The following ZNF595 variants were observed in gnomAD, a reference collection of about 807,000 sequenced individuals.
ZNF595 encodes the protein zinc finger protein 595.
In ZNF595, 9 loss-of-function variants were observed where a neutral mutation model predicts 19.4. That is an observed-to-expected ratio of 0.46 (90% CI 0.28 to 0.81). The LOEUF (loss-of-function observed/expected upper bound fraction) is 0.81. Ranked by LOEUF, ZNF595 falls within the 30% of genes least tolerant of loss-of-function variation. The probability of loss-of-function intolerance (pLI) is 0.11; values close to 1 mark genes in which losing one functional copy is unlikely to be tolerated. For missense variants in ZNF595, 729 were observed against 736.0 expected, an observed-to-expected ratio of 0.99 and a Z score of 0.11; for synonymous variants, 255 against 255.9, an observed-to-expected ratio of 1.00 and a Z score of 0.03.
intron 3 of ZNF595, among the ~76,000 whole-genome samples, chr4:72,524 TCTGTTATC>T (rs1314115409): frequency 1.9e-4 from 29 of 152,226 alleles, no homozygotes; most frequent in Non-Finnish European, 7.3e-5. Flanking sequence ...ATAAGTCTAC[TCTGTTATC>T]CTGTTATCTG....
chr4:86,027 T>C lies in ZNF595; in HGVS notation c.523T>C (p.Cys175Arg). The C allele has an allele frequency of 6.2e-7, 1 of 1,609,886 alleles. No individual in the cohort carries two copies. Among genetic ancestry groups the C allele is most frequent in the Non-Finnish European group, 8.5e-7 (1 of 1,177,538 alleles). Reference protein sequence around the residue: ...IRHTGEKPFKCTECGRSFYMS... With the variant: ...IRHTGEKPFKRTECGRSFYMS... ...ACATACTGGAGAGAAACCCTTTAAATGTACAGAATGTGGCAGATCGTTTTA... is the reference window on the plus strand; with the variant it reads ...ACATACTGGAGAGAAACCCTTTAAACGTACAGAATGTGGCAGATCGTTTTA... Residue 175 changes from cysteine (C) to arginine (R), a missense_variant, in exon 4 of 4, where the codon TGT becomes CGT. Physicochemically the swap from Cys to Arg is radical, Grantham distance 180 (BLOSUM62 -3). This residue lies in a region of ZNF595 where 729 missense variants were observed against 675.3 expected (regional missense o/e 1.08). Transcript: ENST00000610261.
In ZNF595 at chr4:86,301, C is replaced by G. The variant is rs201371259; in HGVS notation, c.797C>G (p.Thr266Arg). The G allele has an allele frequency of 3.7e-6, 6 of 1,602,900 alleles. No individual in the cohort carries two copies. Among genetic ancestry groups the G allele is most frequent in the Non-Finnish European group, 4.3e-6 (5 of 1,174,782 alleles). Reference sequence around the variant, plus strand: ...TGTGAAGAATGTGGCAAAGCCTTTACAAGGTCCACAACACTGAATGAACAC... The same window carrying G: ...TGTGAAGAATGTGGCAAAGCCTTTAGAAGGTCCACAACACTGAATGAACAC... ...YKCEECGKAF[T>R]RSTTLNEHKK... Residue 266 changes from threonine to arginine, a missense_variant, in exon 4 of 4, where the codon ACA becomes AGA. Transcript: ENST00000610261.
chr4:77,344 T>C (rs1553798898), intron 3 of ZNF595, among the ~76,000 whole-genome samples: 2 of 152,218 alleles, frequency 1.3e-5, no homozygotes, highest in Non-Finnish European at 2.9e-5. Context: ...TTAGTATTTT[T>C]TTCATCTCAT....
intron 3 of ZNF595, among the ~76,000 whole-genome samples, chr4:77,781 C>T (rs1553799016): frequency 6.6e-6 from 1 of 152,044 alleles, no homozygotes; most frequent in East Asian, 1.9e-4. Context: ...AAAAAAAAAT[C>T]CAATTATATA....
chr4:79,675 G>GTTTTTT (rs202205324), intron 3 of ZNF595, among the ~76,000 whole-genome samples: 16 of 127,504 alleles, frequency 1.3e-4, no homozygotes, highest in East Asian at 2.3e-4. Flanking sequence ...CAGCTTTGTT[G>GTTTTTT]TTTTTTTTTT....
intron 3 of ZNF595, among the ~76,000 whole-genome samples, chr4:61,005 G>A (rs1581363997): frequency 6.6e-6 from 1 of 151,968 alleles, no homozygotes; most frequent in Admixed American, 6.6e-5. Context: ...AAACAGTAAT[G>A]ATAGCCGATG....
chr4:61,036 G>A (rs1249125134), intron 3 of ZNF595, among the ~76,000 whole-genome samples: 13 of 152,066 alleles, frequency 8.5e-5, no homozygotes, highest in Non-Finnish European at 1.8e-4. Context: ...CAAGAAATAG[G>A]TTTGTGAATA....
At chr4:77,985 A>G (rs1169290759) in intron 3 of ZNF595, among the ~76,000 whole-genome samples, 3 of 151,888 alleles carry the variant, frequency 2.0e-5, no homozygotes, top group Non-Finnish European at 2.9e-5. Flanking sequence ...AGCTGAGACC[A>G]AAGTCTTCAG....
At chr4:75,815 T>TG (rs1713635434) in intron 3 of ZNF595, among the ~76,000 whole-genome samples, 2 of 148,506 alleles carry the variant, frequency 1.3e-5, no homozygotes, top group African/African-American at 4.9e-5. Context: ...TTTTGGTTGT[T>TG]TTTTTTTTTT....
intron 3 of ZNF595, among the ~76,000 whole-genome samples, chr4:84,492 ACAAGCTTTCTTT>A (rs1714052819): frequency 6.6e-6 from 1 of 152,154 alleles, no homozygotes; most frequent in Non-Finnish European, 1.5e-5. Flanking sequence ...ATTCCTGCTT[ACAAGCTTTCTTT>A]CAGCATTTTA....
chr4:72,102 G>C (rs1266399099), intron 3 of ZNF595, among the ~76,000 whole-genome samples: 1 of 152,100 alleles, frequency 6.6e-6, no homozygotes, highest in Admixed American at 6.5e-5. Flanking sequence ...ATCTTGAAAA[G>C]ATTGTTTACT....
At chr4:84,581 C>G (rs1390549924) in intron 3 of ZNF595, among the ~76,000 whole-genome samples, 1 of 152,206 alleles carries the variant, frequency 6.6e-6, no homozygotes, top group East Asian at 1.9e-4. Flanking sequence ...TGTAAGACCA[C>G]ACTTATAAAT....
intron 3 of ZNF595, chr4:67,904 T>TTTTA: frequency 1.9e-6 from 1 of 533,034 alleles, no homozygotes; most frequent in South Asian, 2.6e-5. Flanking sequence ...TTTTTTTTTT[T>TTTTA]GAGGCGGAGT....
intron 3 of ZNF595, among the ~76,000 whole-genome samples, chr4:70,035 G>A (rs1713362257): frequency 6.6e-6 from 1 of 152,174 alleles, no homozygotes; most frequent in Admixed American, 6.5e-5. Context: ...TCTGTAAACA[G>A]TTGTGACCCT....
intron 3 of ZNF595, among the ~76,000 whole-genome samples, 185 bp from the exon 4 acceptor site, chr4:85,546 G>C (rs1271288230): frequency 2.6e-5 from 4 of 152,174 alleles, no homozygotes; most frequent in Non-Finnish European, 4.4e-5. Context: ...CTCATTTACA[G>C]ATTTTGCACA....
Position 87,203 on chromosome 4 carries a change from A to G in ZNF595, c.1699A>G (p.Lys567Glu), listed in dbSNP as rs782627869. The change falls in exon 4 of 4, where the codon AAA becomes GAA. Residue 567 changes from lysine to glutamate, a missense_variant. This residue lies in a region of ZNF595 where 729 missense variants were observed against 675.3 expected (regional missense o/e 1.08). Coordinates refer to ENST00000610261, the MANE Select transcript of ZNF595 (RefSeq NM_182524.4). ...IHSGEKPYKCKECGKAYNLSS... is the reference protein window; with the variant it reads ...IHSGEKPYKCEECGKAYNLSS... ...TTCTGGAGAGAAACCCTACAAATGC[A>G]AAGAATGTGGCAAAGCCTATAACTT... The G allele has an allele frequency of 1.3e-6, 2 of 1,596,064 alleles. No individual in the cohort carries two copies. The highest frequency in any genetic ancestry group is 1.7e-6 in the Non-Finnish European group (2 of 1,167,966).
intron 3 of ZNF595, among the ~76,000 whole-genome samples, chr4:74,188 TAG>T (rs61354676): frequency 0.032 from 4,865 of 152,224 alleles, 194 homozygotes; most frequent in African/African-American, 0.093. Context: ...TGCATACCTG[TAG>T]TCCCAGCTGG....
chr4:79,192 TATA>T lies in ZNF595; in HGVS notation c.227-6536_227-6534del, dbSNP rs573253688. On this transcript the variant is annotated intron_variant, in intron 3 of 3. Transcript: ENST00000610261. The stretch of plus-strand genomic sequence containing the variant: ...TTTATAATTCTTCTCAGTGTAATTA[TATA>T]ATGTCTGTTTCTGTTTGACTCTCAT... Among the ~76,000 whole-genome samples the T allele has an allele frequency of 5.3e-5, 8 of 152,340 alleles. No homozygotes were observed. In the South Asian group the frequency reaches 1.2e-3, roughly 24 times the overall value.
At chr4:75,017 T>C (rs1713587207) in intron 3 of ZNF595, among the ~76,000 whole-genome samples, 1 of 152,172 alleles carries the variant, frequency 6.6e-6, no homozygotes, top group African/African-American at 2.4e-5. Context: ...GTGAAGATCT[T>C]TTTTTCATGA....
Sources: gnomAD v4.1 joint callset for allele counts (sites outside exome capture counted in the v4.1 genomes callset) on GRCh38, gnomAD v4.1.1 for gene constraint, gnomAD v4.1.1 regional missense constraint, MANE v1.5 for transcripts, NCBI Gene and HGNC (gene_info 2026-07-23, HGNC 2026-07-21) for gene names.